SEMA3D: variants seen among roughly 807,000 people sequenced by gnomAD.
SEMA3D encodes semaphorin-3D.
In SEMA3D, 84 loss-of-function variants were observed where a neutral mutation model predicts 100.1. That is an observed-to-expected ratio of 0.84 (90% CI 0.70 to 1.01). The LOEUF (loss-of-function observed/expected upper bound fraction) is 1.01. Ranked by LOEUF, SEMA3D falls within the 50% of genes least tolerant of loss-of-function variation. The probability of loss-of-function intolerance (pLI) is 0.00; values close to 1 mark genes in which losing one functional copy is unlikely to be tolerated. For missense variants in SEMA3D, 875 were observed against 934.1 expected (o/e 0.94, Z 0.82); for synonymous variants, 312 against 320.7 (o/e 0.97, Z 0.29).
At chr7:85,098,080 GAAAGAAAGAAA>G (rs1228178270) in intron 3 of SEMA3D, 115 bp from the exon 4 acceptor site, 10 of 574,562 alleles carry the variant, frequency 1.7e-5, no homozygotes, top group Non-Finnish European at 2.7e-5. Context: ...GAAAGAAAAA[GAAAGAAAGAAA>G]AAAGAAAGAA....
the SEMA3D span, among the ~76,000 whole-genome samples, chr7:85,225,602 G>T: frequency 1.3e-5 from 2 of 152,068 alleles, no homozygotes; most frequent in African/African-American, 4.8e-5. Flanking sequence ...TTTGATTTAG[G>T]TACATATCCT....
chr7:85,061,738 C>T (rs540617865), intron 8 of SEMA3D, among the ~76,000 whole-genome samples: 6 of 152,182 alleles, frequency 3.9e-5, no homozygotes, highest in Non-Finnish European at 8.8e-5. Flanking sequence ...TACAATTTCT[C>T]CCCTTACTCT....
chr7:85,015,053 T>C lies in SEMA3D; in HGVS notation c.1703+6A>G, dbSNP rs1312085636. 1.2e-6 allele frequency: 2 copies of C among 1,609,132 alleles called. No individual in the cohort carries two copies. Among genetic ancestry groups the C allele is most frequent in the East Asian group, 2.2e-5 (1 of 44,726 alleles). On this transcript the variant is annotated splice_donor_region_variant and intron_variant, in intron 16 of 18. Transcript: ENST00000284136. ...AGCCTTTATATTAACTCCATGTGCC[T>C]CTTACCTTTTAGAAGTAGGAGCATA... is the stretch of plus-strand genomic sequence containing the variant.
intron 2 of SEMA3D, among the ~76,000 whole-genome samples, chr7:85,149,033 CA>C (rs1790291787): frequency 6.6e-6 from 1 of 151,808 alleles, no homozygotes; most frequent in South Asian, 2.1e-4. Flanking sequence ...AAAATGAAAC[CA>C]TTTGCACAAT....
At chr7:85,227,802 G>T in the SEMA3D span, among the ~76,000 whole-genome samples, 5 of 152,056 alleles carry the variant, frequency 3.3e-5, no homozygotes, top group East Asian at 5.8e-4. Flanking sequence ...TTCTAAGTTG[G>T]ACCTTATTAA....
intron 3 of SEMA3D, among the ~76,000 whole-genome samples, chr7:85,108,673 C>A (rs1194408844): frequency 1.3e-5 from 2 of 151,964 alleles, no homozygotes; most frequent in African/African-American, 4.8e-5. Flanking sequence ...CATTAAAGAG[C>A]TGAATTCCTT....
At chr7:85,193,095 G>A in the SEMA3D span, among the ~76,000 whole-genome samples, 4 of 152,152 alleles carry the variant, frequency 2.6e-5, no homozygotes, top group Admixed American at 1.3e-4. Context: ...ACAAAATGAT[G>A]AATCAACAGT....
the SEMA3D span, among the ~76,000 whole-genome samples, chr7:85,244,256 C>G: frequency 7.2e-5 from 11 of 152,116 alleles, no homozygotes; most frequent in Admixed American, 2.0e-4. Context: ...TAACAACTTG[C>G]TCTCAGAAAA....
chr7:85,142,377 G>T, intron 2 of SEMA3D: 3 of 902,784 alleles, frequency 3.3e-6, no homozygotes, highest in Non-Finnish European at 4.0e-6. Context: ...TATTTCTCTA[G>T]ACATGAAATT....
chr7:84,999,333 T>A lies in SEMA3D; in HGVS notation c.*107A>T. 1.1e-6 allele frequency: 1 copy of A among 880,914 alleles called. No homozygotes were observed. The highest frequency in any genetic ancestry group is 1.7e-6 in the Non-Finnish European group (1 of 578,694). 54.6% of individuals were successfully genotyped at this position (880,914 alleles called of 1,614,324 possible). A position where few individuals can be genotyped will look rare whatever the true frequency, so the allele number is the denominator to read the frequency against. On this transcript the variant is annotated 3_prime_UTR_variant, in exon 19 of 19. Transcript: ENST00000284136. The stretch of plus-strand genomic sequence containing the variant: ...TTATTCAGATTATTGTCTTGTGCCT[T>A]AGCAAAACTCCATGGGAAGCATTTA...
At chr7:85,160,166 A>C in intron 1 of SEMA3D, 1 of 391,754 alleles carries the variant, frequency 2.6e-6, no homozygotes, top group Non-Finnish European at 3.5e-6. Flanking sequence ...TAGAAAACAA[A>C]AAGGTAAGGC....
At chr7:85,097,689 G>A in intron 4 of SEMA3D, 116 bp downstream of exon 4, 1 of 533,646 alleles carries the variant, frequency 1.9e-6, no homozygotes, top group Non-Finnish European at 3.3e-6. Context: ...TTTTTGACAT[G>A]TATGTGATGC....
At chr7:85,113,998 A>C (rs1294105831) in intron 3 of SEMA3D, among the ~76,000 whole-genome samples, 1 of 152,146 alleles carries the variant, frequency 6.6e-6, no homozygotes, top group East Asian at 1.9e-4. Flanking sequence ...ATTATTTTTA[A>C]CCTCACATTC....
At chr7:85,131,677 T>C (rs1363479018) in intron 2 of SEMA3D, among the ~76,000 whole-genome samples, 1 of 151,946 alleles carries the variant, frequency 6.6e-6, no homozygotes, top group Non-Finnish European at 1.5e-5. Flanking sequence ...TACGAAGATA[T>C]AGTACATTCA....
chr7:85,147,441 T>G (rs921551784), intron 2 of SEMA3D, among the ~76,000 whole-genome samples: 1 of 152,084 alleles, frequency 6.6e-6, no homozygotes, highest in Non-Finnish European at 1.5e-5. Flanking sequence ...TGAGCCACCA[T>G]GCCTGGCCTC....
In SEMA3D at chr7:85,174,555, C is replaced by T. The variant is rs537057010; in HGVS notation, c.-173+12123G>A. On this transcript the variant is annotated intron_variant, in intron 1 of 18. Coordinates refer to ENST00000284136, the MANE Select transcript of SEMA3D (RefSeq NM_001384900.1). The stretch of plus-strand genomic sequence containing the variant: ...ATTTTGTGCAAGACTTGGCAATATG[C>T]TATAAGAATATGGAAAAAAGATACC... Among the ~76,000 whole-genome samples the T allele has an allele frequency of 1.5e-3, 229 of 152,140 alleles. 1 individual carries two copies. Among genetic ancestry groups the T allele is most frequent in the Middle Eastern group, 3.4e-3 (1 of 294 alleles).
At chr7:85,028,027 C>T (rs1166829175) in intron 12 of SEMA3D, 1 of 579,954 alleles carries the variant, frequency 1.7e-6, no homozygotes, top group Non-Finnish European at 3.3e-6. Context: ...GCCAGCATGG[C>T]TTTTGATGCC....
intron 12 of SEMA3D, 83 bp from the exon 13 acceptor site, chr7:85,022,696 C>A: frequency 2.4e-6 from 2 of 841,402 alleles, no homozygotes; most frequent in African/African-American, 1.7e-5. Context: ...ATTTGTATAG[C>A]TTATCATCAA....
intron 2 of SEMA3D, among the ~76,000 whole-genome samples, chr7:85,147,508 G>T (rs1790250858): frequency 6.6e-6 from 1 of 152,014 alleles, no homozygotes; most frequent in Non-Finnish European, 1.5e-5. Context: ...TCTATCTGTA[G>T]ATGTGCTGTT....
Sources: allele counts gnomAD v4.1 joint callset (sites outside exome capture counted in the v4.1 genomes callset), GRCh38; gene constraint gnomAD v4.1.1; transcripts MANE v1.5; gene names NCBI Gene and HGNC (gene_info 2026-07-23, HGNC 2026-07-21).